The following SLC22A3 variants were observed in gnomAD, a reference collection of about 807,000 sequenced individuals.
The protein encoded by SLC22A3 is solute carrier family 22 member 3.
SLC22A3 carries 51 observed loss-of-function variants against 59.1 expected under a neutral mutation model. The ratio of observed to expected loss-of-function variants is 0.86; its 90% CI spans 0.69 to 1.09. SLC22A3 has a LOEUF of 1.09. SLC22A3 is among the 50% of genes least tolerant of loss of function. The pLI is 0.00. For synonymous variants in SLC22A3, 325 were observed against 292.0 expected (o/e 1.11, Z -1.15); for missense variants, 711 against 726.3 (o/e 0.98, Z 0.24).
intron 4 of SLC22A3, among the ~76,000 whole-genome samples, chr6:160,409,227 T>TTCAG (rs1451449476): frequency 9.9e-6 from 1 of 101,254 alleles, no homozygotes; most frequent in African/African-American, 4.0e-5. Context: ...TGTGTCCATG[T>TTCAG]GATCTCATTG....
chr6:160,418,475 C>G (rs1229301043), intron 5 of SLC22A3, among the ~76,000 whole-genome samples: 1 of 152,176 alleles, frequency 6.6e-6, no homozygotes, highest in South Asian at 2.1e-4. Flanking sequence ...TGGGACTTCA[C>G]CTTGTGGCCG....
At chr6:160,424,786 T>C (rs1324598701) in intron 5 of SLC22A3, among the ~76,000 whole-genome samples, 1 of 152,186 alleles carries the variant, frequency 6.6e-6, no homozygotes, top group African/African-American at 2.4e-5. Flanking sequence ...AGCCAACACA[T>C]GACAAATAGT....
chr6:160,386,806 G>A (rs535160599), intron 1 of SLC22A3, among the ~76,000 whole-genome samples: 1 of 152,368 alleles, frequency 6.6e-6, no homozygotes, highest in African/African-American at 2.4e-5. Context: ...TTGCTTTGGA[G>A]CCTCTTATGG....
intron 2 of SLC22A3, among the ~76,000 whole-genome samples, chr6:160,398,612 C>G (rs974016381): frequency 6.6e-6 from 1 of 152,130 alleles, no homozygotes; most frequent in Admixed American, 6.5e-5. Flanking sequence ...TTCATAAATG[C>G]AACTGCCCAG....
intron 1 of SLC22A3, among the ~76,000 whole-genome samples, chr6:160,358,480 A>G (rs1583441617): frequency 6.6e-6 from 1 of 152,174 alleles, no homozygotes; most frequent in South Asian, 2.1e-4. Flanking sequence ...CAAGATTCCA[A>G]TACTAAGGAC....
intron 1 of SLC22A3, among the ~76,000 whole-genome samples, chr6:160,367,946 T>A (rs1022195471): frequency 6.6e-6 from 1 of 152,142 alleles, no homozygotes; most frequent in Non-Finnish European, 1.5e-5. Flanking sequence ...TCAGCCCATA[T>A]CTTCCAGTGG....
At chr6:160,436,645 G>T in intron 5 of SLC22A3, 135 bp from the exon 6 acceptor site, 1 of 656,404 alleles carries the variant, frequency 1.5e-6, no homozygotes, top group Non-Finnish European at 2.7e-6. Context: ...TGTTTTAATT[G>T]TCAGGTTTTA....
At chr6:160,449,687 C>T (rs1316786862) in intron 10 of SLC22A3, among the ~76,000 whole-genome samples, 1 of 152,102 alleles carries the variant, frequency 6.6e-6, no homozygotes, top group Non-Finnish European at 1.5e-5. Context: ...GCTAACAAAC[C>T]CCTGTATCAG....
intron 9 of SLC22A3, among the ~76,000 whole-genome samples, 191 bp from the exon 10 acceptor site, chr6:160,447,528 G>A (rs997438857): frequency 6.6e-6 from 1 of 152,144 alleles, no homozygotes; most frequent in Admixed American, 6.5e-5. Context: ...TGCTACTCAG[G>A]GTTTGAGGAA....
intron 5 of SLC22A3, among the ~76,000 whole-genome samples, chr6:160,416,056 A>G (rs1787474527): frequency 6.6e-6 from 1 of 152,206 alleles, no homozygotes; most frequent in Non-Finnish European, 1.5e-5. Context: ...CATCTCAGTT[A>G]CAGTTCACAT....
intron 5 of SLC22A3, among the ~76,000 whole-genome samples, chr6:160,414,497 A>G (rs2504931): frequency 0.84 from 127,989 of 152,220 alleles, 54,382 homozygotes; most frequent in East Asian, 1. Flanking sequence ...ATCCTTTGCA[A>G]TTGCATTAGT....
At chr6:160,444,891 C>A (rs185565741) in intron 9 of SLC22A3, among the ~76,000 whole-genome samples, 1 of 152,276 alleles carries the variant, frequency 6.6e-6, no homozygotes, top group East Asian at 1.9e-4. Context: ...CACTTGACAC[C>A]AGTGACCTCA....
At chr6:160,417,542 G>A (rs1787550423) in intron 5 of SLC22A3, among the ~76,000 whole-genome samples, 1 of 152,252 alleles carries the variant, frequency 6.6e-6, no homozygotes, top group Non-Finnish European at 1.5e-5. Flanking sequence ...CTTTGGTGAT[G>A]CAGGGGTATC....
At chr6:160,366,611 CCCA>C (rs1337083168) in intron 1 of SLC22A3, among the ~76,000 whole-genome samples, 1 of 152,188 alleles carries the variant, frequency 6.6e-6, no homozygotes, top group East Asian at 1.9e-4. Context: ...GGGCTCTGAC[CCCA>C]CATTTCCCTT....
intron 1 of SLC22A3, among the ~76,000 whole-genome samples, chr6:160,378,943 A>C (rs1404312652): frequency 6.6e-6 from 1 of 152,236 alleles, no homozygotes; most frequent in Non-Finnish European, 1.5e-5. Flanking sequence ...ATTAAAAAAC[A>C]AAGTACATTT....
At chr6:160,363,404 T>TG (rs1404472689) in intron 1 of SLC22A3, among the ~76,000 whole-genome samples, 1 of 152,102 alleles carries the variant, frequency 6.6e-6, no homozygotes, top group Non-Finnish European at 1.5e-5. Context: ...TGCCCCTCTT[T>TG]GGGGGCTAGA....
chr6:160,434,150 G>A (rs1037848854), intron 5 of SLC22A3, among the ~76,000 whole-genome samples: 2 of 152,162 alleles, frequency 1.3e-5, no homozygotes, highest in African/African-American at 4.8e-5. Context: ...TTTCATGGAG[G>A]AACATTGTCC....
intron 1 of SLC22A3, among the ~76,000 whole-genome samples, chr6:160,356,759 A>G (rs143990142): frequency 9.5e-4 from 145 of 152,364 alleles, no homozygotes; most frequent in Non-Finnish European, 1.9e-3. Context: ...GGAAAAAGCA[A>G]AGTTTTAATG....
intron 8 of SLC22A3, among the ~76,000 whole-genome samples, chr6:160,443,158 G>C (rs17522235): frequency 0.016 from 2,483 of 152,360 alleles, 69 homozygotes; most frequent in Middle Eastern, 0.1. Context: ...CCCTTGCTTA[G>C]ACTGTGGGTT....
Sources: allele counts gnomAD v4.1 joint callset (sites outside exome capture counted in the v4.1 genomes callset), GRCh38; gene constraint gnomAD v4.1.1; transcripts MANE v1.5; gene names NCBI Gene and HGNC (gene_info 2026-07-23, HGNC 2026-07-21).